Variants in GNG12 observed in about 807,000 individuals in gnomAD.
GNG12 encodes the protein guanine nucleotide-binding protein G(I)/G(S)/G(O) subunit gamma-12.
For missense variants in GNG12, 69 were observed against 83.8 expected, an observed-to-expected ratio of 0.82 and a Z score of 0.69; for synonymous variants, 28 against 29.7, an observed-to-expected ratio of 0.94 and a Z score of 0.19.
chr1:67,763,872 G>C (rs1646620784), intron 2 of GNG12, among the ~76,000 whole-genome samples: 1 of 151,986 alleles, frequency 6.6e-6, no homozygotes, highest in Admixed American at 6.6e-5. Context: ...TGTCTAAGAA[G>C]CTCTGTCAAT....
At chr1:67,709,695 A>G (rs945132471) in intron 2 of GNG12, among the ~76,000 whole-genome samples, 1 of 149,748 alleles carries the variant, frequency 6.7e-6, no homozygotes, top group Non-Finnish European at 1.5e-5. Context: ...GCCTGGCCCA[A>G]TCCCTTTCTG....
At chr1:67,803,405 T>G (rs1450002018) in intron 1 of GNG12, among the ~76,000 whole-genome samples, 1 of 152,194 alleles carries the variant, frequency 6.6e-6, no homozygotes, top group African/African-American at 2.4e-5. Context: ...TCTCCTTATA[T>G]GGTGACAATG....
At chr1:67,831,514 C>G (rs910419443) in intron 1 of GNG12, among the ~76,000 whole-genome samples, 2 of 152,088 alleles carry the variant, frequency 1.3e-5, no homozygotes, top group Non-Finnish European at 2.9e-5. Flanking sequence ...GGTTCGATAT[C>G]TAGTAAATTA....
At chr1:67,720,078 A>G (rs1646348356) in intron 2 of GNG12, among the ~76,000 whole-genome samples, 1 of 152,208 alleles carries the variant, frequency 6.6e-6, no homozygotes, top group Admixed American at 6.5e-5. Flanking sequence ...TTCTGAGCCC[A>G]CAGATGCTCA....
In GNG12 at chr1:67,768,440, A is replaced by AT. The variant is rs1409484295; in HGVS notation, c.-27+9017dup. The stretch of plus-strand genomic sequence containing the variant: ...AAAGCAGATCATTGCACATATTTAG[A>AT]TTTTTTCCCAAATTCCTATTTGATT... On this transcript the variant is annotated intron_variant, in intron 2 of 3. Coordinates refer to ENST00000370982, the MANE Select transcript of GNG12 (RefSeq NM_018841.6). Among the ~76,000 whole-genome samples the AT allele has an allele frequency of 4.6e-5, 7 of 152,034 alleles. No homozygotes were observed. The East Asian group carries it at 5.8e-4, about 13-fold the overall frequency.
At chr1:67,805,676 T>C (rs556749998) in intron 1 of GNG12, among the ~76,000 whole-genome samples, 25 of 151,914 alleles carry the variant, frequency 1.6e-4, no homozygotes, top group Middle Eastern at 3.4e-3. Context: ...CTACAAAAGG[T>C]GTAACATACA....
chr1:67,788,861 T>C (rs185152013), intron 1 of GNG12, among the ~76,000 whole-genome samples: 1 of 152,358 alleles, frequency 6.6e-6, no homozygotes, highest in Admixed American at 6.5e-5. Context: ...AAAAGGATAT[T>C]ACTTTGTGGC....
chr1:67,754,685 G>A (rs113522003), intron 2 of GNG12, among the ~76,000 whole-genome samples: 1 of 152,142 alleles, frequency 6.6e-6, no homozygotes, highest in Admixed American at 6.5e-5. Flanking sequence ...ATCGCTTCCT[G>A]CAGGAAGCAG....
chr1:67,818,418 T>G (rs1322673176), intron 1 of GNG12, among the ~76,000 whole-genome samples: 1 of 136,686 alleles, frequency 7.3e-6, no homozygotes, highest in Non-Finnish European at 1.5e-5. Context: ...CAGGGGTTTT[T>G]TTTTTTTTTT....
intron 2 of GNG12, among the ~76,000 whole-genome samples, chr1:67,737,071 C>T (rs567764384): frequency 2.0e-5 from 3 of 152,188 alleles, no homozygotes; most frequent in African/African-American, 4.8e-5. Flanking sequence ...TGAAATTCCA[C>T]GTAGGCTGCT....
intron 1 of GNG12, among the ~76,000 whole-genome samples, chr1:67,782,381 C>T (rs1414694607): frequency 6.6e-6 from 1 of 152,178 alleles, no homozygotes; most frequent in East Asian, 1.9e-4. Context: ...TGTACAACGG[C>T]TTCTGTCCCA....
At chr1:67,754,437 G>T (rs1008600289) in intron 2 of GNG12, among the ~76,000 whole-genome samples, 4 of 152,092 alleles carry the variant, frequency 2.6e-5, no homozygotes, top group African/African-American at 9.7e-5. Flanking sequence ...CCCTTCTTCT[G>T]TCTCCAAGTC....
intron 2 of GNG12, among the ~76,000 whole-genome samples, chr1:67,711,322 G>A (rs1210074325): frequency 6.6e-6 from 1 of 152,052 alleles, no homozygotes; most frequent in East Asian, 1.9e-4. Context: ...GTTGACAGGA[G>A]GAAAACTGTA....
At chr1:67,822,410 T>G (rs545521204) in intron 1 of GNG12, among the ~76,000 whole-genome samples, 1 of 151,832 alleles carries the variant, frequency 6.6e-6, no homozygotes, top group Non-Finnish European at 1.5e-5. Context: ...CCCTTTTGAT[T>G]AGGCACCCAA....
At chr1:67,795,862 C>T (rs2100789631) in intron 1 of GNG12, among the ~76,000 whole-genome samples, 1 of 152,296 alleles carries the variant, frequency 6.6e-6, no homozygotes, top group African/African-American at 2.4e-5. Context: ...GGCAGACCAA[C>T]AGAGAATAAA....
At chr1:67,789,190 T>C (rs2100780765) in intron 1 of GNG12, among the ~76,000 whole-genome samples, 1 of 152,268 alleles carries the variant, frequency 6.6e-6, no homozygotes, top group Non-Finnish European at 1.5e-5. Context: ...GGCCCGCTAT[T>C]AAGTCCCGAT....
At chr1:67,750,271 TG>T (rs1396872616) in intron 2 of GNG12, among the ~76,000 whole-genome samples, 1 of 152,322 alleles carries the variant, frequency 6.6e-6, no homozygotes, top group East Asian at 1.9e-4. Context: ...GGTGTGCCTC[TG>T]GGGGATTACA....
At chr1:67,771,809 T>C (rs180706573) in intron 2 of GNG12, among the ~76,000 whole-genome samples, 25 of 152,274 alleles carry the variant, frequency 1.6e-4, no homozygotes, top group Non-Finnish European at 3.1e-4. Flanking sequence ...TGTATAAATA[T>C]AGAGTTCAGA....
At chr1:67,831,851 C>A (rs1647047304) in intron 1 of GNG12, among the ~76,000 whole-genome samples, 1 of 152,214 alleles carries the variant, frequency 6.6e-6, no homozygotes, top group African/African-American at 2.4e-5. Context: ...TAGTAAAATT[C>A]AATCCCGTCG....
Sources: allele counts gnomAD v4.1 joint callset (sites outside exome capture counted in the v4.1 genomes callset), GRCh38; gene constraint gnomAD v4.1.1; transcripts MANE v1.5; gene names NCBI Gene and HGNC (gene_info 2026-07-23, HGNC 2026-07-21).